Variants in RFX3 observed in about 807,000 individuals in gnomAD.
RFX3 encodes transcription factor RFX3.
RFX3 carries 14 observed loss-of-function variants against 98.6 expected under a neutral mutation model. The ratio of observed to expected loss-of-function variants is 0.14; its 90% CI spans 0.09 to 0.22. RFX3 has a LOEUF of 0.22. RFX3 is among the 10% of genes least tolerant of loss of function. The pLI is 1.00. For missense variants in RFX3, 639 were observed against 926.9 expected, an observed-to-expected ratio of 0.69 and a Z score of 4.03; for synonymous variants, 383 against 328.4, an observed-to-expected ratio of 1.17 and a Z score of -1.80.
At chr9:3,449,501 T>C (rs1473673528) in intron 1 of RFX3, among the ~76,000 whole-genome samples, 2 of 152,224 alleles carry the variant, frequency 1.3e-5, no homozygotes, top group African/African-American at 4.8e-5. Flanking sequence ...CTGTACACTA[T>C]CAGTTTATTT....
intron 1 of RFX3, among the ~76,000 whole-genome samples, chr9:3,474,960 G>A (rs1849099616): frequency 6.6e-6 from 1 of 151,964 alleles, no homozygotes; most frequent in African/African-American, 2.4e-5. Context: ...TTAGCTGGGT[G>A]TGGTGACACA....
chr9:3,390,768 T>C (rs1403555048), intron 2 of RFX3, among the ~76,000 whole-genome samples: 1 of 152,134 alleles, frequency 6.6e-6, no homozygotes, highest in Non-Finnish European at 1.5e-5. Flanking sequence ...CCCCTTGCCT[T>C]CTGCCATGAT....
intron 15 of RFX3, among the ~76,000 whole-genome samples, chr9:3,246,233 G>A (rs143292562): frequency 9.9e-5 from 15 of 151,930 alleles, no homozygotes; most frequent in South Asian, 2.1e-4. Context: ...TAGATTTTAC[G>A]TATATATCTT....
chr9:3,406,265 C>A (rs959274426), intron 1 of RFX3, among the ~76,000 whole-genome samples: 6 of 151,730 alleles, frequency 4.0e-5, no homozygotes, highest in African/African-American at 7.3e-5. Flanking sequence ...CTCGGCCAAC[C>A]CTGGGGACAT....
chr9:3,489,990 A>G (rs1026042482), intron 1 of RFX3, among the ~76,000 whole-genome samples: 1 of 152,190 alleles, frequency 6.6e-6, no homozygotes, highest in Non-Finnish European at 1.5e-5. Flanking sequence ...TGGTTTTTAC[A>G]GCACCACCGA....
chr9:3,319,938 T>A (rs542240632), intron 4 of RFX3, among the ~76,000 whole-genome samples: 37 of 151,914 alleles, frequency 2.4e-4, no homozygotes, highest in Middle Eastern at 7.0e-3. Context: ...ACAGTAAGAA[T>A]GGCTCTAAAA....
At chr9:3,505,573 G>A (rs1817004229) in intron 1 of RFX3, among the ~76,000 whole-genome samples, 1 of 148,704 alleles carries the variant, frequency 6.7e-6, no homozygotes, top group South Asian at 2.1e-4. Flanking sequence ...GAGGACAGAT[G>A]TAAAAATTAG....
intron 1 of RFX3, among the ~76,000 whole-genome samples, chr9:3,479,046 G>C (rs1849514057): frequency 6.6e-6 from 1 of 152,152 alleles, no homozygotes. Flanking sequence ...TGGGGCTCCA[G>C]AAGTGGTCAG....
At chr9:3,451,358 C>G (rs1215000888) in intron 1 of RFX3, among the ~76,000 whole-genome samples, 1 of 152,052 alleles carries the variant, frequency 6.6e-6, no homozygotes, top group Non-Finnish European at 1.5e-5. Context: ...TCAGCCTAGG[C>G]AACATGGTGA....
At chr9:3,426,473 G>C (rs1277903905) in intron 1 of RFX3, among the ~76,000 whole-genome samples, 1 of 152,112 alleles carries the variant, frequency 6.6e-6, no homozygotes, top group Non-Finnish European at 1.5e-5. Flanking sequence ...CCAGGTACCA[G>C]TCCATGGACT....
intron 1 of RFX3, among the ~76,000 whole-genome samples, chr9:3,507,638 G>A (rs1817232317): frequency 6.6e-6 from 1 of 151,748 alleles, no homozygotes; most frequent in Non-Finnish European, 1.5e-5. Context: ...TCTTAAAAAA[G>A]GGTGCCCAAC....
At chr9:3,445,882 A>C (rs1034031163) in intron 1 of RFX3, among the ~76,000 whole-genome samples, 1 of 152,068 alleles carries the variant, frequency 6.6e-6, no homozygotes, top group Non-Finnish European at 1.5e-5. Context: ...TGGCCTGGTG[A>C]ATGAAGTTTT....
intron 2 of RFX3, among the ~76,000 whole-genome samples, chr9:3,369,486 A>G (rs575996512): frequency 3.0e-4 from 45 of 152,330 alleles, no homozygotes; most frequent in African/African-American, 5.3e-4. Context: ...CATTCAGACC[A>G]TAGAAATTTC....
chr9:3,390,520 G>A (rs1366357309), intron 2 of RFX3, among the ~76,000 whole-genome samples: 1 of 152,048 alleles, frequency 6.6e-6, no homozygotes, highest in African/African-American at 2.4e-5. Flanking sequence ...GAGCAAACTT[G>A]TGGGGAATTG....
At chr9:3,472,128 A>G (rs1848833636) in intron 1 of RFX3, among the ~76,000 whole-genome samples, 1 of 152,226 alleles carries the variant, frequency 6.6e-6, no homozygotes, top group South Asian at 2.1e-4. Flanking sequence ...AACGCACTGT[A>G]TTTGTTTAGA....
intron 2 of RFX3, among the ~76,000 whole-genome samples, chr9:3,392,762 G>C (rs535101306): frequency 6.6e-6 from 1 of 151,936 alleles, no homozygotes; most frequent in Non-Finnish European, 1.5e-5. Flanking sequence ...AAAAAGATCA[G>C]AAATCAGATT....
chr9:3,503,350 TAAAAATGTCTATTTCCTTAAATAACTTA>T (rs1029578145), intron 1 of RFX3, among the ~76,000 whole-genome samples: 3 of 152,158 alleles, frequency 2.0e-5, no homozygotes, highest in African/African-American at 7.2e-5. Context: ...TAAGGTTCCA[TAAAAATGTCTATTTCCTTAAATAACTTA>T]AATGTATACA....
At chr9:3,264,084 G>C (rs1440533971) in intron 12 of RFX3, among the ~76,000 whole-genome samples, 1 of 151,722 alleles carries the variant, frequency 6.6e-6, no homozygotes, top group Admixed American at 6.6e-5. Context: ...TTTCAACTCT[G>C]TTCATACCTT....
chr9:3,465,529 C>T (rs1342120792), intron 1 of RFX3, among the ~76,000 whole-genome samples: 1 of 148,166 alleles, frequency 6.7e-6, no homozygotes, highest in Non-Finnish European at 1.5e-5. Context: ...GTCTTGAACT[C>T]CCGACCTTAG....
Sources: allele counts gnomAD v4.1 joint callset (sites outside exome capture counted in the v4.1 genomes callset), GRCh38; gene constraint gnomAD v4.1.1; transcripts MANE v1.5; gene names NCBI Gene and HGNC (gene_info 2026-07-23, HGNC 2026-07-21).